Variants in NARS1 observed in about 807,000 individuals in gnomAD.
NARS1 encodes asparagine--tRNA ligase, cytoplasmic.
A neutral mutation model predicts 79.2 loss-of-function variants in NARS1; 65 were observed. That is an observed-to-expected ratio of 0.82 (90% CI 0.67 to 1.01). NARS1 has a LOEUF of 1.01. NARS1 is among the 50% of genes least tolerant of loss of function. The pLI, the probability that NARS1 is intolerant of heterozygous loss-of-function variation, is 0.00. For synonymous variants in NARS1, 229 were observed against 238.8 expected (o/e 0.96, Z 0.38); for missense variants, 649 against 673.8 (o/e 0.96, Z 0.41).
At chr18:57,605,019 C>T (rs1338910139) in intron 11 of NARS1, among the ~76,000 whole-genome samples, 4 of 151,484 alleles carry the variant, frequency 2.6e-5, no homozygotes, top group Non-Finnish European at 5.9e-5. Context: ...CATTTTTAAC[C>T]AATGGCTATC....
chr18:57,608,609 G>A (rs961302709), intron 7 of NARS1, among the ~76,000 whole-genome samples: 7 of 152,078 alleles, frequency 4.6e-5, no homozygotes, highest in African/African-American at 9.7e-5. Context: ...CAGGAATTCC[G>A]TAAGGCTGGA....
intron 2 of NARS1, among the ~76,000 whole-genome samples, chr18:57,616,770 AGGAG>A (rs200696405): frequency 0.017 from 2,626 of 152,110 alleles, 67 homozygotes; most frequent in African/African-American, 0.052. Context: ...TGGGGGGCCG[AGGAG>A]GGAGGATCAC....
In NARS1 at chr18:57,617,595, T is replaced by A. The variant is rs9952993; in HGVS notation, c.94-1620A>T. Among the ~76,000 whole-genome samples the A allele has an allele frequency of 7.5e-3, 431 of 57,840 alleles. 8 individuals are homozygous for A. Among genetic ancestry groups the A allele is most frequent in the Middle Eastern group, 0.011 (1 of 94 alleles). 37.9% of individuals were successfully genotyped at this position (57,840 alleles called of 152,430 possible). A position where few individuals can be genotyped will look rare whatever the true frequency, so the allele number is the denominator to read the frequency against. ...CTCAAAAAAAAAAAAAAAAAAAAAATAGAGAAGGAAGGAATCTGGATCTTT... is the reference window on the plus strand; with the variant it reads ...CTCAAAAAAAAAAAAAAAAAAAAAAAAGAGAAGGAAGGAATCTGGATCTTT... On this transcript the variant is annotated intron_variant, in intron 2 of 13. Coordinates refer to ENST00000256854, the MANE Select transcript of NARS1 (RefSeq NM_004539.4).
Position 57,620,559 on chromosome 18 carries a change from G to A in NARS1, c.93+10C>T, listed in dbSNP as rs1908256920. 6.3e-7 allele frequency: 1 copy of A among 1,583,998 alleles called. No homozygotes were observed. On this transcript the variant is annotated intron_variant, in intron 2 of 13. Coordinates refer to ENST00000256854, the MANE Select transcript of NARS1 (RefSeq NM_004539.4). ...TGCAGTCTCATTTTCCTAATGAGAA[G>A]AGACTCTACCTTTAGACCTGTTTTA...
chr18:57,613,520 C>T (rs1056183778), intron 5 of NARS1, 82 bp downstream of exon 5: 3 of 1,257,068 alleles, frequency 2.4e-6, no homozygotes, highest in Non-Finnish European at 2.3e-6. Flanking sequence ...GAAAAAAACC[C>T]CTGCAAATCT....
intron 2 of NARS1, among the ~76,000 whole-genome samples, chr18:57,620,003 G>C (rs541389326): frequency 2.0e-3 from 303 of 152,244 alleles, no homozygotes; most frequent in Admixed American, 3.9e-3. Context: ...CCAAGCTCTT[G>C]ACAAACCCCT....
Position 57,615,621 on chromosome 18 carries a change from G to C in NARS1, c.342+20C>G. ...TGATGTAGCCAAGTCCACGGTATTT[G>C]AAAAGATAAACAAACTTACACATTT... On this transcript the variant is annotated intron_variant, in intron 4 of 13. Transcript: ENST00000256854. 1 of 1,552,636 alleles carries C rather than the reference G, an allele frequency of 6.4e-7. No individual in the cohort carries two copies. The highest frequency in any genetic ancestry group is 8.9e-7 in the Non-Finnish European group (1 of 1,126,294).
intron 10 of NARS1, 79 bp from the exon 11 acceptor site, chr18:57,606,049 A>G: frequency 1.1e-6 from 1 of 930,218 alleles, no homozygotes; most frequent in Non-Finnish European, 1.6e-6. Context: ...TTAAAAAACT[A>G]TTATAAAGTA....
chr18:57,613,804 C>A (rs1312691534), intron 4 of NARS1, 124 bp from the exon 5 acceptor site: 2 of 724,184 alleles, frequency 2.8e-6, no homozygotes, highest in African/African-American at 1.8e-5. Flanking sequence ...CTGGAGACAG[C>A]CCCTCTACTG....
intron 4 of NARS1, 125 bp downstream of exon 4, chr18:57,615,516 A>T: frequency 1.5e-6 from 1 of 652,924 alleles, no homozygotes; most frequent in Non-Finnish European, 2.6e-6. Flanking sequence ...ATAAATAAAT[A>T]AATAAATAAA....
At chr18:57,613,703 A>C (rs1422713056) in intron 4 of NARS1, 23 bp from the exon 5 acceptor site, 1 of 1,581,632 alleles carries the variant, frequency 6.3e-7, no homozygotes, top group Admixed American at 1.7e-5. Flanking sequence ...AATAAACAAC[A>C]TTTGTTCAAT....
At position 57,621,783 on chromosome 18, in the gene NARS1, A is replaced by T; in HGVS notation, c.-66T>A. The T allele has an allele frequency of 6.2e-7, 1 of 1,612,076 alleles. No homozygotes were observed. On this transcript the variant is annotated 5_prime_UTR_variant, in exon 1 of 14. An upstream open reading frame in the 5' UTR gains an earlier in-frame stop. Transcript: ENST00000256854. ...AACACCGACGCCGTCTTATGACTCC[A>T]ACGTGCACCGGCGGTTTCCGCGATT...
At chr18:57,602,996 A>G (rs2051522944) in intron 11 of NARS1, 53 bp from the exon 12 acceptor site, 3 of 1,595,922 alleles carry the variant, frequency 1.9e-6, no homozygotes, top group Non-Finnish European at 2.6e-6. Context: ...GCAACAAGAC[A>G]GAAGCAGCTC....
chr18:57,603,022 G>T, intron 11 of NARS1, 79 bp from the exon 12 acceptor site: 1 of 1,419,246 alleles, frequency 7.0e-7, no homozygotes, highest in Non-Finnish European at 9.8e-7. Flanking sequence ...CCCTGTACCA[G>T]TCCTTCCTCC....
Position 57,620,667 on chromosome 18 carries a change from A to T in NARS1, c.11-16T>A, listed in dbSNP as rs1908261997. 1 of 1,576,086 alleles carries T rather than the reference A, an allele frequency of 6.3e-7. No individual in the cohort carries two copies. The highest frequency in any genetic ancestry group is 8.7e-7 in the Non-Finnish European group (1 of 1,147,998). ...TACAGCTCTGCTGTTTGACAAAATG[A>T]GGGTAAGTTATGGTCTGGCCATTAA... On this transcript the variant is annotated splice_polypyrimidine_tract_variant and intron_variant, in intron 1 of 13. Transcript: ENST00000256854.
chr18:57,607,149 C>G lies in NARS1; in HGVS notation c.986G>C (p.Arg329Pro). ...QSYRAEQSRT[R>P]RHLAEYTHVE... ...AACTTCATACTCAGCCAGGTGCCTT[C>G]GTGTTCTGGACTGCTCTGCCCGGTA... The change falls in exon 9 of 14, where the codon CGA becomes CCA. Residue 329 changes from arginine to proline, a missense_variant. Physicochemically the swap from Arg to Pro is moderately radical, Grantham distance 103. Transcript: ENST00000256854. 6.2e-7 allele frequency: 1 copy of G among 1,613,162 alleles called. No individual in the cohort carries two copies. The highest frequency in any genetic ancestry group is 8.5e-7 in the Non-Finnish European group (1 of 1,179,430).
intron 4 of NARS1, among the ~76,000 whole-genome samples, 177 bp downstream of exon 4, chr18:57,615,464 T>G (rs139379186): frequency 6.6e-6 from 1 of 152,028 alleles, no homozygotes; most frequent in Non-Finnish European, 1.5e-5. Context: ...ATTGAACCAC[T>G]GCACTCCAGC....
chr18:57,608,192 T>C lies in NARS1; in HGVS notation c.580-527A>G, dbSNP rs548220406. Among the ~76,000 whole-genome samples, 4 of 152,156 alleles carry C rather than the reference T, an allele frequency of 2.6e-5. No individual in the cohort carries two copies. The East Asian group carries it at 7.8e-4, about 30-fold the overall frequency. On this transcript the variant is annotated intron_variant, in intron 7 of 13. Transcript: ENST00000256854. ...GTGCGTTTCCATTTTTAAAAGATAT[T>C]TGTGTCTGGGCACGGTGGCTCACTG... is the stretch of plus-strand genomic sequence containing the variant.
chr18:57,602,029 G>A (rs2051511658), intron 13 of NARS1, among the ~76,000 whole-genome samples: 1 of 152,182 alleles, frequency 6.6e-6, no homozygotes, highest in South Asian at 2.1e-4. Context: ...CTGGAAAGAA[G>A]AGATTTTTAA....
Sources: gnomAD v4.1 joint callset for allele counts (sites outside exome capture counted in the v4.1 genomes callset) on GRCh38, gnomAD v4.1.1 for gene constraint, MANE v1.5 for transcripts, NCBI Gene and HGNC (gene_info 2026-07-23, HGNC 2026-07-21) for gene names.